The following PLAC1 variants were observed in gnomAD, a reference collection of about 807,000 sequenced individuals.
PLAC1 encodes placenta associated 1.
For missense variants in PLAC1, 136 were observed against 163.2 expected (o/e 0.83, Z 0.91); for synonymous variants, 68 against 62.1 (o/e 1.09, Z -0.44).
chrX:134,733,798 G>A (rs1225087991), intron 1 of PLAC1, among the ~76,000 whole-genome samples: 1 of 110,936 alleles, frequency 9.0e-6, no homozygotes, highest in African/African-American at 3.3e-5. Context: ...AAGGCTGGGA[G>A]CAGTGAGAGG....
intron 2 of PLAC1, among the ~76,000 whole-genome samples, chrX:134,723,502 G>A (rs1055629855): frequency 1.8e-5 from 2 of 108,693 alleles, no homozygotes; most frequent in Non-Finnish European, 3.8e-5. Flanking sequence ...TTGTAGATAC[G>A]GGGCTCTCTC....
intron 1 of PLAC1, among the ~76,000 whole-genome samples, chrX:134,749,888 T>C (rs1171610927): frequency 9.0e-6 from 1 of 111,158 alleles, no homozygotes; most frequent in Non-Finnish European, 1.9e-5. Flanking sequence ...GCCCCCACCA[T>C]CTCCACTCCT....
chrX:134,623,723 C>T (rs1429873841), intron 1 of PLAC1, among the ~76,000 whole-genome samples: 1 of 111,298 alleles, frequency 9.0e-6, no homozygotes. Context: ...GCCCCACATG[C>T]CGCATGTGCC....
chrX:134,631,069 G>C (rs1049198107), intron 1 of PLAC1, among the ~76,000 whole-genome samples: 2 of 111,635 alleles, frequency 1.8e-5, no homozygotes, highest in African/African-American at 6.5e-5. Context: ...AGGGAGGGGA[G>C]GGGATGGGAA....
intron 2 of PLAC1, among the ~76,000 whole-genome samples, chrX:134,571,816 A>C (rs959866809): frequency 2.7e-5 from 3 of 111,773 alleles, no homozygotes; most frequent in African/African-American, 9.8e-5. Context: ...AACTCTTTGC[A>C]TGAAGAATGG....
intron 2 of PLAC1, among the ~76,000 whole-genome samples, chrX:134,592,311 A>G (rs2078042432): frequency 8.9e-6 from 1 of 112,433 alleles, no homozygotes; most frequent in Non-Finnish European, 1.9e-5. Context: ...TGTATAAAGT[A>G]TGAGTCTTAG....
At chrX:134,640,441 T>A (rs1184937678) in intron 1 of PLAC1, among the ~76,000 whole-genome samples, 1 of 111,869 alleles carries the variant, frequency 8.9e-6, no homozygotes, top group Admixed American at 9.5e-5. Context: ...ATGAAACATT[T>A]CTGGGACACC....
At chrX:134,730,200 G>C (rs900737123) in intron 2 of PLAC1, among the ~76,000 whole-genome samples, 5 of 112,081 alleles carry the variant, frequency 4.5e-5, no homozygotes, top group African/African-American at 1.6e-4. Flanking sequence ...ATGAGAGAAA[G>C]GTGTGAGCTT....
chrX:134,700,820 C>T, intron 2 of PLAC1, among the ~76,000 whole-genome samples: 1 of 111,949 alleles, frequency 8.9e-6, no homozygotes, highest in South Asian at 3.7e-4. Flanking sequence ...ACATATAATA[C>T]TCAGGATTGG....
intron 2 of PLAC1, among the ~76,000 whole-genome samples, chrX:134,569,623 G>A (rs891524546): frequency 9.0e-6 from 1 of 110,882 alleles, no homozygotes; most frequent in African/African-American, 3.3e-5. Flanking sequence ...ATGAGCTTGC[G>A]AATGCCCAGC....
At chrX:134,578,515 CTTT>C (rs766626696) in intron 2 of PLAC1, among the ~76,000 whole-genome samples, 17 of 55,975 alleles carry the variant, frequency 3.0e-4, no homozygotes, top group Non-Finnish European at 5.1e-4. Context: ...TTCTTTCTTT[CTTT>C]TTTTTTTTTT....
intron 2 of PLAC1, among the ~76,000 whole-genome samples, chrX:134,728,127 G>A (rs776761056): frequency 8.9e-6 from 1 of 111,813 alleles, no homozygotes; most frequent in Non-Finnish European, 1.9e-5. Context: ...AAATGTCAGA[G>A]CCTCAGACAC....
intron 1 of PLAC1, among the ~76,000 whole-genome samples, chrX:134,736,947 G>C (rs1350647544): frequency 8.9e-6 from 1 of 112,476 alleles, no homozygotes; most frequent in Admixed American, 9.4e-5. Context: ...TCCCTATGTG[G>C]CACTCCAGAA....
In PLAC1 at chrX:134,593,026, G is replaced by A. The variant is rs756646917; in HGVS notation, c.-59+9025C>T. ...ACAGGCGTGAGCCACCGCGCCCAGC[G>A]CTGTGTCTCTTTTTCTCTCTCTAAA... On this transcript the variant is annotated intron_variant, in intron 2 of 2. Coordinates refer to ENST00000359237, the MANE Select transcript of PLAC1 (RefSeq NM_021796.4). Among the ~76,000 whole-genome samples, 4 of 110,705 alleles carry A rather than the reference G, an allele frequency of 3.6e-5. No homozygotes were observed. In the South Asian group the frequency reaches 1.2e-3, roughly 32 times the overall value.
chrX:134,707,834 T>G (rs997831179), intron 2 of PLAC1, among the ~76,000 whole-genome samples: 1 of 111,947 alleles, frequency 8.9e-6, no homozygotes, highest in Admixed American at 9.5e-5. Context: ...AACAAAATAC[T>G]TAAGATAATT....
upstream of PLAC1, among the ~76,000 whole-genome samples, chrX:134,661,352 T>C (rs1294383687): frequency 8.9e-6 from 1 of 111,967 alleles, no homozygotes; most frequent in Non-Finnish European, 1.9e-5. Flanking sequence ...CTCAGCACAC[T>C]GGCGGGCAGT....
At chrX:134,601,751 A>G (rs2078090451) in intron 2 of PLAC1, 1 of 112,479 alleles carries the variant, frequency 8.9e-6, no homozygotes, top group East Asian at 2.8e-4. Context: ...CTCATTGAGT[A>G]AAGACACTAT....
intron 2 of PLAC1, among the ~76,000 whole-genome samples, chrX:134,714,000 T>C (rs902940165): frequency 9.0e-6 from 1 of 111,700 alleles, no homozygotes; most frequent in Non-Finnish European, 1.9e-5. Flanking sequence ...AGGAGTGGGA[T>C]TGGAGGAAGA....
rs960839813 is a variant in PLAC1, at chrX:134,723,367, G to A, written n.174+10068C>T. Among the ~76,000 whole-genome samples the A allele has an allele frequency of 3.7e-5, 4 of 107,545 alleles. No individual in the cohort carries two copies. In the Admixed American group the frequency reaches 4.0e-4, roughly 11 times the overall value. The allele number at this position is 107,545 out of a possible 115,157, so 93.4% of individuals were successfully genotyped here. A position where few individuals can be genotyped will look rare whatever the true frequency, so the allele number is the denominator to read the frequency against. ...CTGCCACCCAGGCTGGAGTGCAGTG[G>A]CAGGATCATGGCTCAGCGCAGCCTC... On this transcript the variant is annotated intron_variant and non_coding_transcript_variant, in intron 2 of 2. Transcript: ENST00000466797.
Sources: allele counts gnomAD v4.1 joint callset (sites outside exome capture counted in the v4.1 genomes callset), GRCh38; gene constraint gnomAD v4.1.1; transcripts MANE v1.5; gene names NCBI Gene and HGNC (gene_info 2026-07-23, HGNC 2026-07-21).